The following UTS2 variants were observed in gnomAD, a reference collection of about 807,000 sequenced individuals.
The protein encoded by UTS2 is urotensin-2.
A neutral mutation model predicts 12.6 loss-of-function variants in UTS2; 10 were observed. The ratio of observed to expected loss-of-function variants is 0.80; its 90% CI spans 0.49 to 1.35. The LOEUF is 1.35. Among genes scored for constraint, UTS2 ranks in the 40% most tolerant of loss-of-function variants. The pLI is 0.00. For synonymous variants in UTS2, 52 were observed against 50.0 expected, an observed-to-expected ratio of 1.04 and a Z score of -0.17; for missense variants, 142 against 143.2, an observed-to-expected ratio of 0.99 and a Z score of 0.04.
At chr1:7,867,066 C>T in the UTS2 span, among the ~76,000 whole-genome samples, 3 of 152,098 alleles carry the variant, frequency 2.0e-5, no homozygotes, top group South Asian at 2.1e-4. Context: ...GGTGGGGATT[C>T]ACCATTTTGG....
the UTS2 span, among the ~76,000 whole-genome samples, chr1:7,872,925 A>G: frequency 6.6e-6 from 1 of 152,026 alleles, no homozygotes; most frequent in Non-Finnish European, 1.5e-5. Flanking sequence ...GGACAGGCCG[A>G]CTCCATTGTT....
At chr1:7,863,073 G>A in the UTS2 span, among the ~76,000 whole-genome samples, 1 of 85,344 alleles carries the variant, frequency 1.2e-5, no homozygotes, top group Non-Finnish European at 2.5e-5. Context: ...GTATTGTATT[G>A]TATTGTATTG....
At chr1:7,861,164 G>A in the UTS2 span, among the ~76,000 whole-genome samples, 2 of 152,064 alleles carry the variant, frequency 1.3e-5, no homozygotes, top group Admixed American at 1.3e-4. Flanking sequence ...GGAACACCAA[G>A]GATGATCCCA....
chr1:7,861,245 G>T, the UTS2 span, among the ~76,000 whole-genome samples: 1 of 152,120 alleles, frequency 6.6e-6, no homozygotes, highest in Non-Finnish European at 1.5e-5. Flanking sequence ...TTTGGAATAG[G>T]TTGGAGGGGA....
the UTS2 span, among the ~76,000 whole-genome samples, chr1:7,896,794 C>G: frequency 6.6e-6 from 1 of 151,924 alleles, no homozygotes; most frequent in Non-Finnish European, 1.5e-5. Context: ...CTCCCAGGTT[C>G]AAGCAATTCT....
chr1:7,876,005 G>T, the UTS2 span, among the ~76,000 whole-genome samples: 1 of 152,142 alleles, frequency 6.6e-6, no homozygotes, highest in Non-Finnish European at 1.5e-5. Flanking sequence ...GGAGCCTAGG[G>T]ATCGATCCAC....
chr1:7,853,004 GA>G lies in UTS2; in HGVS notation c.-2del. On this transcript the variant is annotated 5_prime_UTR_variant, in exon 1 of 4. Coordinates refer to ENST00000361696, the MANE Select transcript of UTS2 (RefSeq NM_006786.4). Reference sequence around the variant, plus strand: ...AACAGCAGGAGGCCAGCTTATACATGATCGCCACAAGATAGACGGCTTCCTT... The same window carrying G: ...AACAGCAGGAGGCCAGCTTATACATGTCGCCACAAGATAGACGGCTTCCTT... The G allele has an allele frequency of 6.2e-7, 1 of 1,610,886 alleles. No homozygotes were observed. Among genetic ancestry groups the G allele is most frequent in the Non-Finnish European group, 8.5e-7 (1 of 1,179,024 alleles).
chr1:7,849,448 T>C (rs1303265314), intron 3 of UTS2, among the ~76,000 whole-genome samples, 192 bp downstream of exon 3: 1 of 152,012 alleles, frequency 6.6e-6, no homozygotes, highest in Non-Finnish European at 1.5e-5. Flanking sequence ...TGACCTCAGG[T>C]GGTCCGCCCG....
At chr1:7,849,276 G>A (rs976355694) in intron 3 of UTS2, among the ~76,000 whole-genome samples, 10 of 151,904 alleles carry the variant, frequency 6.6e-5, no homozygotes, top group Middle Eastern at 3.2e-3. Flanking sequence ...GTGCAGTGGC[G>A]CGATCTCAGC....
chr1:7,854,731 C>T (rs539078580), upstream of UTS2, among the ~76,000 whole-genome samples: 18 of 152,132 alleles, frequency 1.2e-4, no homozygotes, highest in South Asian at 3.7e-3. Flanking sequence ...TTGAAGATTT[C>T]TAAAAATCGA....
the UTS2 span, among the ~76,000 whole-genome samples, chr1:7,906,453 A>G: frequency 3.9e-4 from 49 of 125,294 alleles, no homozygotes; most frequent in Admixed American, 1.5e-3. Flanking sequence ...GAAAAAGAGA[A>G]AGAAAGAAAG....
At chr1:7,905,903 G>A in the UTS2 span, among the ~76,000 whole-genome samples, 1 of 151,850 alleles carries the variant, frequency 6.6e-6, no homozygotes, top group Non-Finnish European at 1.5e-5. Flanking sequence ...ATGAAGTGGG[G>A]CAGTGTCTTG....
the UTS2 span, among the ~76,000 whole-genome samples, chr1:7,882,824 A>C: frequency 3.9e-5 from 6 of 152,350 alleles, no homozygotes; most frequent in East Asian, 1.2e-3. Flanking sequence ...AATGTTCAAC[A>C]TTGCTGATCA....
the UTS2 span, among the ~76,000 whole-genome samples, chr1:7,870,784 T>G: frequency 6.6e-6 from 1 of 152,242 alleles, no homozygotes. Flanking sequence ...CATTTAATTT[T>G]TATTACTTTT....
chr1:7,884,034 G>A, the UTS2 span, among the ~76,000 whole-genome samples: 95 of 152,000 alleles, frequency 6.3e-4, 1 homozygote, highest in African/African-American at 2.2e-3. Context: ...AGCTGGTCTC[G>A]AACTCCTGGC....
At chr1:7,886,178 A>AG in the UTS2 span, among the ~76,000 whole-genome samples, 1 of 151,820 alleles carries the variant, frequency 6.6e-6, no homozygotes, top group Non-Finnish European at 1.5e-5. Context: ...TCTCCCCGGG[A>AG]GGGGGGAGGG....
At chr1:7,889,088 A>G in the UTS2 span, among the ~76,000 whole-genome samples, 21,769 of 150,750 alleles carry the variant, frequency 0.14, 1,879 homozygotes, top group Non-Finnish European at 0.18. Context: ...TTTTGATGAA[A>G]AAAAAAAAAA....
the UTS2 span, among the ~76,000 whole-genome samples, chr1:7,879,491 A>G: frequency 6.6e-6 from 1 of 152,190 alleles, no homozygotes; most frequent in Admixed American, 6.5e-5. Flanking sequence ...CTGTAATCCC[A>G]GTACTTTAGG....
intron 2 of UTS2, among the ~76,000 whole-genome samples, 177 bp downstream of exon 2, chr1:7,850,635 G>A (rs1006523854): frequency 6.6e-6 from 1 of 152,158 alleles, no homozygotes; most frequent in Non-Finnish European, 1.5e-5. Context: ...TGCGAGCAAG[G>A]AGCTGCTGGG....
Sources: allele counts gnomAD v4.1 joint callset (sites outside exome capture counted in the v4.1 genomes callset), GRCh38; gene constraint gnomAD v4.1.1; transcripts MANE v1.5; gene names NCBI Gene and HGNC (gene_info 2026-07-23, HGNC 2026-07-21).